EPHX2: variants seen among roughly 807,000 people sequenced by gnomAD.
EPHX2 encodes bifunctional epoxide hydrolase 2.
EPHX2 carries 74 observed loss-of-function variants against 78.7 expected under a neutral mutation model. The observed-to-expected ratio is 0.94, with a 90% CI of 0.78 to 1.14. The LOEUF (loss-of-function observed/expected upper bound fraction) is 1.14, where lower values mean the gene tolerates loss of function less well. EPHX2 is among the 50% of genes most tolerant of loss of function. The pLI is 0.00. For missense variants in EPHX2, 715 were observed against 702.5 expected (o/e 1.02, Z -0.20); for synonymous variants, 251 against 255.2 (o/e 0.98, Z 0.16).
chr8:27,511,780 C>A, intron 5 of EPHX2, 56 bp from the exon 6 acceptor site: 1 of 1,558,494 alleles, frequency 6.4e-7, no homozygotes, highest in Non-Finnish European at 8.9e-7. Flanking sequence ...TTCAGGAGAG[C>A]CTCTCACGGA....
At chr8:27,547,671 T>C (rs1815597732), downstream of EPHX2, among the ~76,000 whole-genome samples, 1 of 152,208 alleles carries the variant, frequency 6.6e-6, no homozygotes, top group Non-Finnish European at 1.5e-5. Flanking sequence ...CTAGCTGGAA[T>C]TTGACATTCC....
chr8:27,512,146 C>G (rs1391008080), intron 6 of EPHX2: 5 of 490,390 alleles, frequency 1.0e-5, no homozygotes, highest in African/African-American at 9.9e-5. Flanking sequence ...TGTTAAATAT[C>G]GAGGGTGGTT....
intron 3 of EPHX2, among the ~76,000 whole-genome samples, chr8:27,504,395 G>A (rs756818759): frequency 6.6e-6 from 1 of 152,096 alleles, no homozygotes; most frequent in Non-Finnish European, 1.5e-5. Flanking sequence ...TCTCACCCTC[G>A]CTGGTTAGGC....
At chr8:27,506,214 C>T (rs1457210335) in intron 4 of EPHX2, among the ~76,000 whole-genome samples, 1 of 152,110 alleles carries the variant, frequency 6.6e-6, no homozygotes, top group African/African-American at 2.4e-5. Flanking sequence ...ATCTTGAACT[C>T]CTGGTTTCAA....
intron 5 of EPHX2, among the ~76,000 whole-genome samples, chr8:27,511,145 T>A (rs1814225400): frequency 6.6e-6 from 1 of 152,200 alleles, no homozygotes; most frequent in African/African-American, 2.4e-5. Flanking sequence ...AATAAATATC[T>A]GTTCTTGAAA....
rs145829803 is a variant in EPHX2, at chr8:27,535,284, C to A, written c.1171-1500C>A. 4.7e-3 allele frequency among the ~76,000 whole-genome samples: 709 copies of A among 152,268 alleles called. 2 individuals are homozygous for A. The highest frequency in any genetic ancestry group is 8.1e-3 in the Non-Finnish European group (552 of 68,028). ...CTCTGCCTCCCGGGTCCAAGTGATT[C>A]TCCTGCCTCAGCCTCTGAGTAGCTG... On this transcript the variant is annotated intron_variant, in intron 12 of 18. Transcript: ENST00000521400.
chr8:27,508,430 T>G (rs1814099462), intron 5 of EPHX2, among the ~76,000 whole-genome samples: 1 of 152,216 alleles, frequency 6.6e-6, no homozygotes, highest in Non-Finnish European at 1.5e-5. Flanking sequence ...GTATACCCAG[T>G]GACTCCATAA....
chr8:27,497,157 A>G (rs945738824), intron 1 of EPHX2, among the ~76,000 whole-genome samples: 5 of 152,126 alleles, frequency 3.3e-5, no homozygotes, highest in Admixed American at 6.5e-5. Flanking sequence ...CTGGCCCTCA[A>G]TGGTTAAACT....
At chr8:27,540,749 TC>T in intron 15 of EPHX2, 93 bp downstream of exon 15, 1 of 1,210,668 alleles carries the variant, frequency 8.3e-7, no homozygotes, top group Non-Finnish European at 1.2e-6. Context: ...CCAGTTCTCC[TC>T]CACCACAGCC....
chr8:27,546,602 C>T (rs967449449), downstream of EPHX2, among the ~76,000 whole-genome samples: 47 of 152,306 alleles, frequency 3.1e-4, no homozygotes, highest in African/African-American at 1.1e-3. Flanking sequence ...TAATCAAAAC[C>T]TAAAAGCGTC....
chr8:27,545,693 T>G (rs1380125484), downstream of EPHX2: 1 of 152,294 alleles, frequency 6.6e-6, no homozygotes, highest in Non-Finnish European at 1.5e-5. Flanking sequence ...CCTTTCTGCC[T>G]GCCCCCCTTG....
intron 12 of EPHX2, among the ~76,000 whole-genome samples, chr8:27,532,848 G>A (rs1382925444): frequency 6.6e-6 from 1 of 152,158 alleles, no homozygotes; most frequent in Admixed American, 6.6e-5. Flanking sequence ...AGGTGCAGTG[G>A]CTCACACCTA....
chr8:27,492,122 C>G (rs967325604), intron 1 of EPHX2, among the ~76,000 whole-genome samples: 1 of 152,176 alleles, frequency 6.6e-6, no homozygotes, highest in African/African-American at 2.4e-5. Flanking sequence ...CAGAAAGAAA[C>G]CAGCTGTCCA....
At chr8:27,522,046 G>C (rs1311903906) in intron 10 of EPHX2, among the ~76,000 whole-genome samples, 1 of 152,196 alleles carries the variant, frequency 6.6e-6, no homozygotes, top group African/African-American at 2.4e-5. Flanking sequence ...AAAAAAGTGG[G>C]GTTGTGGGGG....
chr8:27,529,259 C>G (rs1814950707), intron 12 of EPHX2, among the ~76,000 whole-genome samples: 1 of 152,182 alleles, frequency 6.6e-6, no homozygotes, highest in African/African-American at 2.4e-5. Flanking sequence ...GCTTTTCTTG[C>G]CTTCTCAGAG....
chr8:27,530,192 G>T (rs1365034820), intron 12 of EPHX2, among the ~76,000 whole-genome samples: 3 of 152,016 alleles, frequency 2.0e-5, no homozygotes, highest in Non-Finnish European at 2.9e-5. Flanking sequence ...CAGCCTAAAT[G>T]TTGAATCTTT....
chr8:27,512,209 G>A, intron 6 of EPHX2: 2 of 354,388 alleles, frequency 5.6e-6, no homozygotes, highest in South Asian at 5.5e-5. Flanking sequence ...TCATTCCTCA[G>A]AAATCAGTGA....
In EPHX2 at chr8:27,491,297, T is replaced by G; in HGVS notation, c.89T>G (p.Leu30Arg). 1 of 1,554,798 alleles carries G rather than the reference T, an allele frequency of 6.4e-7. No individual in the cohort carries two copies. The highest frequency in any genetic ancestry group is 8.6e-7 in the Non-Finnish European group (1 of 1,160,956). The change falls in exon 1 of 19, where the codon CTG becomes CGG. Residue 30 changes from leucine to arginine, a missense_variant. By Grantham distance (102) the Leu-to-Arg change is moderately radical. Transcript: ENST00000521400. ...FGVLGRTEEA[L>R]ALPRGLLNDA... ...GTCCTCGGCCGCACGGAGGAGGCCCTGGCGCTGCCCAGGTAAGGGGGCCCA... is the reference window on the plus strand; with the variant it reads ...GTCCTCGGCCGCACGGAGGAGGCCCGGGCGCTGCCCAGGTAAGGGGGCCCA...
rs1375270625 is a variant in EPHX2 at position 27,511,861 on chromosome 8, C to G, written c.686C>G (p.Pro229Arg). ...IQLLNTPAPL[P>R]TSCNPSDMSH... ...CTTCTCAATACCCCGGCCCCTCTGC[C>G]GACCTCTTGCAATCCAAGTGACATG... The change falls in exon 6 of 19, where the codon CCG becomes CGG. Residue 229 changes from proline (P) to arginine (R), a missense_variant. By Grantham distance (103) the Pro-to-Arg change is moderately radical. Coordinates refer to ENST00000521400, the MANE Select transcript of EPHX2 (RefSeq NM_001979.6). 6.2e-7 allele frequency: 1 copy of G among 1,614,040 alleles called. No individual in the cohort carries two copies. Among genetic ancestry groups the G allele is most frequent in the Non-Finnish European group, 8.5e-7 (1 of 1,180,026 alleles).
Sources: gnomAD v4.1 joint callset for allele counts (sites outside exome capture counted in the v4.1 genomes callset) on GRCh38, gnomAD v4.1.1 for gene constraint, MANE v1.5 for transcripts, NCBI Gene and HGNC (gene_info 2026-07-23, HGNC 2026-07-21) for gene names.